Variants in ITK observed in about 807,000 individuals in gnomAD.
ITK encodes IL2 inducible T cell kinase, also known as tyrosine-protein kinase ITK/TSK.
A neutral mutation model predicts 87.6 loss-of-function variants in ITK; 45 were observed. The ratio of observed to expected loss-of-function variants is 0.51; its 90% CI spans 0.40 to 0.66. The LOEUF (loss-of-function observed/expected upper bound fraction) is 0.66, where lower values mean the gene tolerates loss of function less well. Ranked by LOEUF, ITK falls within the 30% of genes least tolerant of loss-of-function variation. ITK has a pLI of 0.00. For missense variants in ITK, 605 were observed against 766.3 expected, an observed-to-expected ratio of 0.79 and a Z score of 2.48; for synonymous variants, 303 against 273.6, an observed-to-expected ratio of 1.11 and a Z score of -1.06.
chr5:157,194,737 G>A (rs1025723703), intron 1 of ITK, among the ~76,000 whole-genome samples: 6 of 152,158 alleles, frequency 3.9e-5, no homozygotes, highest in African/African-American at 1.4e-4. Context: ...AGAAATAAGT[G>A]TTTTAAAATT....
intron 10 of ITK, 118 bp downstream of exon 10, chr5:157,240,313 G>C (rs1754863756): frequency 2.1e-6 from 2 of 959,274 alleles, no homozygotes; most frequent in South Asian, 2.6e-5. Context: ...ATTCTCATAA[G>C]AGTGCAAGCC....
chr5:157,201,300 C>CTTTT lies in ITK; in HGVS notation c.139-7574_139-7571dup, dbSNP rs34626223. On this transcript the variant is annotated intron_variant, in intron 1 of 16. Transcript: ENST00000422843. ...TTTGGGAACAAGACATAAATTTCCA[C>CTTTT]TTTTTTTTTTTTTTTTTTATGGAGT... Among the ~76,000 whole-genome samples, 543 of 128,492 alleles carry CTTTT rather than the reference C, an allele frequency of 4.2e-3. 14 individuals carry two copies. Among genetic ancestry groups the CTTTT allele is most frequent in the African/African-American group, 0.011 (381 of 34,072 alleles). 84.3% of individuals were successfully genotyped at this position (128,492 alleles called of 152,430 possible). A position where few individuals can be genotyped will look rare whatever the true frequency, so the allele number is the denominator to read the frequency against.
intron 1 of ITK, among the ~76,000 whole-genome samples, chr5:157,182,013 T>G (rs1315019786): frequency 3.3e-5 from 5 of 152,202 alleles, no homozygotes; most frequent in Non-Finnish European, 7.4e-5. Flanking sequence ...CTTCATAAAA[T>G]GAAAAAACTG....
chr5:157,208,832 TG>T, intron 1 of ITK, 56 bp from the exon 2 acceptor site: 1 of 1,261,204 alleles, frequency 7.9e-7, no homozygotes. Context: ...TGGAGCAATC[TG>T]GACAAAAATA....
At chr5:157,248,508 C>T (rs1031300171) in intron 15 of ITK, among the ~76,000 whole-genome samples, 6 of 152,134 alleles carry the variant, frequency 3.9e-5, no homozygotes, top group Non-Finnish European at 8.8e-5. Flanking sequence ...CTGTTTATCT[C>T]ATTTTCCACA....
chr5:157,225,026 G>T (rs902763720), intron 6 of ITK, among the ~76,000 whole-genome samples: 5 of 151,690 alleles, frequency 3.3e-5, no homozygotes, highest in Non-Finnish European at 5.9e-5. Flanking sequence ...ACAGGGTCTT[G>T]CTCTGTCACC....
At chr5:157,245,855 A>T (rs1211538518) in intron 14 of ITK, 26 bp from the exon 15 acceptor site, 7 of 1,609,844 alleles carry the variant, frequency 4.3e-6, no homozygotes, top group Non-Finnish European at 6.0e-6. Context: ...GAACATTCTG[A>T]CCTTCTCCCT....
At chr5:157,243,515 T>C in intron 11 of ITK, 108 bp from the exon 12 acceptor site, 3 of 891,570 alleles carry the variant, frequency 3.4e-6, no homozygotes, top group South Asian at 1.3e-5. Flanking sequence ...CTTTGAATTA[T>C]ATTAACAATA....
chr5:157,186,735 G>A (rs1753652073), intron 1 of ITK, among the ~76,000 whole-genome samples: 1 of 151,608 alleles, frequency 6.6e-6, no homozygotes. Flanking sequence ...GCCTCCTAAA[G>A]TTCTCCTAGA....
intron 16 of ITK, among the ~76,000 whole-genome samples, chr5:157,249,627 T>C (rs1755101106): frequency 6.6e-6 from 1 of 152,224 alleles, no homozygotes; most frequent in South Asian, 2.1e-4. Context: ...ATTCTGATCA[T>C]TGTACGACAA....
At chr5:157,243,565 C>T (rs1189278219) in intron 11 of ITK, 58 bp from the exon 12 acceptor site, 2 of 1,427,472 alleles carry the variant, frequency 1.4e-6, no homozygotes, top group Admixed American at 3.3e-5. Context: ...CCCCTGGTAT[C>T]CCAATACCTT....
intron 9 of ITK, among the ~76,000 whole-genome samples, chr5:157,239,741 A>G (rs1300004285): frequency 2.6e-5 from 4 of 152,198 alleles, no homozygotes; most frequent in Admixed American, 2.0e-4. Flanking sequence ...GTATGCTGAC[A>G]ATCAGTTAAA....
chr5:157,204,735 T>C (rs1309057396), intron 1 of ITK, among the ~76,000 whole-genome samples: 1 of 152,046 alleles, frequency 6.6e-6, no homozygotes, highest in East Asian at 1.9e-4. Context: ...AGATCTGGGA[T>C]TACAGGCATT....
chr5:157,191,209 G>A (rs189111320), intron 1 of ITK, among the ~76,000 whole-genome samples: 77 of 151,856 alleles, frequency 5.1e-4, no homozygotes, highest in African/African-American at 1.5e-3. Context: ...GCACAGTCTC[G>A]GCTCACTGCA....
chr5:157,222,705 G>A, intron 5 of ITK, 158 bp from the exon 6 acceptor site: 1 of 700,602 alleles, frequency 1.4e-6, no homozygotes, highest in Non-Finnish European at 2.5e-6. Flanking sequence ...TGAATTCCAA[G>A]CACTGATGTC....
At chr5:157,199,585 G>T (rs993783497) in intron 1 of ITK, 1 of 152,224 alleles carries the variant, frequency 6.6e-6, no homozygotes, top group Non-Finnish European at 1.5e-5. Flanking sequence ...TCTGTGGAAA[G>T]TCCCAGCAAG....
intron 10 of ITK, 151 bp from the exon 11 acceptor site, chr5:157,241,495 T>G: frequency 2.9e-6 from 2 of 682,540 alleles, no homozygotes; most frequent in Non-Finnish European, 5.4e-6. Context: ...AAGGAGGATA[T>G]GATATCAATA....
chr5:157,241,685 G>T lies in ITK; in HGVS notation c.1025G>T (p.Arg342Met). Residue 342 changes from arginine (R) to methionine (M), a missense_variant, in exon 11 of 17, where the codon AGG (arginine) becomes ATG (methionine). By Grantham distance (91) the Arg-to-Met change is moderately conservative. Coordinates refer to ENST00000422843, the MANE Select transcript of ITK (RefSeq NM_005546.4). Reference sequence around the variant, plus strand: ...CTCCGGTATCCAGTTTGTTTTGGGAGGCAGAAAGCCCCAGTTACAGCAGGG... The same window carrying T: ...CTCCGGTATCCAGTTTGTTTTGGGATGCAGAAAGCCCCAGTTACAGCAGGG... ...TRLRYPVCFG[R>M]QKAPVTAGLR... 1 of 1,613,948 alleles carries T rather than the reference G, an allele frequency of 6.2e-7. No individual in the cohort carries two copies. Among genetic ancestry groups the T allele is most frequent in the Non-Finnish European group, 8.5e-7 (1 of 1,179,904 alleles).
intron 4 of ITK, 52 bp downstream of exon 4, chr5:157,214,371 A>G (rs1754255095): frequency 6.6e-7 from 1 of 1,519,892 alleles, no homozygotes; most frequent in African/African-American, 1.4e-5. Context: ...ATAAAAAAGT[A>G]AAAGCTTTTG....
Sources: allele counts gnomAD v4.1 joint callset (sites outside exome capture counted in the v4.1 genomes callset), GRCh38; gene constraint gnomAD v4.1.1; transcripts MANE v1.5; gene names NCBI Gene and HGNC (gene_info 2026-07-23, HGNC 2026-07-21).